The following IFFO1 variants were observed in gnomAD, a reference collection of about 807,000 sequenced individuals.
The protein encoded by IFFO1 is non-homologous end joining factor IFFO1.
A neutral mutation model predicts 59.6 loss-of-function variants in IFFO1; 42 were observed. The observed-to-expected ratio is 0.70, with a 90% CI of 0.55 to 0.91. IFFO1 has a LOEUF of 0.91. Ranked by LOEUF, IFFO1 falls within the 40% of genes least tolerant of loss-of-function variation. IFFO1 has a pLI of 0.00. For missense variants in IFFO1, 711 were observed against 793.2 expected (o/e 0.90, Z 1.24); for synonymous variants, 336 against 342.8 (o/e 0.98, Z 0.22).
chr12:6,552,116 G>C (rs1365163526), intron 1 of IFFO1, among the ~76,000 whole-genome samples: 4 of 152,196 alleles, frequency 2.6e-5, no homozygotes, highest in African/African-American at 9.7e-5. Context: ...AGGTGGTTAG[G>C]AAGGGGCCAA....
intron 3 of IFFO1, 26 bp downstream of exon 3, chr12:6,550,669 C>A: frequency 6.3e-7 from 1 of 1,598,758 alleles, no homozygotes; most frequent in Non-Finnish European, 8.6e-7. Context: ...CACTTCGACC[C>A]TCGGGAAGCC....
chr12:6,555,514 G>C lies in IFFO1; in HGVS notation c.516C>G (p.Ala172=), dbSNP rs781531269. Residue 172 remains alanine, a synonymous_variant, in exon 1 of 10, where the codon GCC becomes GCG. Coordinates refer to ENST00000619571, the MANE Select transcript of IFFO1 (RefSeq NM_001193457.2). The surrounding 1 kb of genome is among the most constrained non-coding windows in gnomAD (Gnocchi z 8.6). ...SPAGPLAPSA[A]SLSSSSTSTS... ...TGGAGGTGGAGGACGACGAGAGGCT[G>C]GCCGCGGAGGGCGCGAGGGGGCCGG... The C allele has an allele frequency of 1.3e-4, 210 of 1,579,136 alleles. 1 individual carries two copies. The highest frequency in any genetic ancestry group is 1.0e-3 in the Admixed American group (56 of 54,178).
Position 6,548,037 on chromosome 12 carries a change from C to T in IFFO1, c.1479+28G>A, listed in dbSNP as rs375182274. ...CCACTCAAAACCCTCTGGGACACCA[C>T]GCCCCTGGCTTCCGCTCCTGCCCTT... On this transcript the variant is annotated intron_variant, in intron 8 of 9. Transcript: ENST00000619571. The surrounding 1 kb of genome is among the most constrained non-coding windows in gnomAD (Gnocchi z 6.1). 7.7e-5 allele frequency: 120 copies of T among 1,560,022 alleles called. 1 individual carries two copies. The highest frequency in any genetic ancestry group is 3.4e-4 in the Middle Eastern group (2 of 5,864).
chr12:6,550,557 T>G (rs1048806276), intron 3 of IFFO1, 138 bp downstream of exon 3: 1 of 625,456 alleles, frequency 1.6e-6, no homozygotes, highest in African/African-American at 1.8e-5. Flanking sequence ...TAGGGGTGGC[T>G]AGGGGAAAAA....
chr12:6,552,656 G>T (rs1281804201), intron 1 of IFFO1, among the ~76,000 whole-genome samples: 1 of 152,206 alleles, frequency 6.6e-6, no homozygotes, highest in African/African-American at 2.4e-5. Flanking sequence ...ATGTGTGAAA[G>T]AGGGCAGGAG....
Position 6,539,607 on chromosome 12 carries a change from G to A in IFFO1, c.*876C>T, listed in dbSNP as rs1946600265. 1 of 152,226 alleles carries A rather than the reference G, an allele frequency of 6.6e-6. No homozygotes were observed. Among genetic ancestry groups the A allele is most frequent in the African/African-American group, 2.4e-5 (1 of 41,436 alleles). The allele number at this position is 152,226 out of a possible 1,614,324, so 9.4% of individuals were successfully genotyped here. A position where few individuals can be genotyped will look rare whatever the true frequency, so the allele number is the denominator to read the frequency against. On this transcript the variant is annotated 3_prime_UTR_variant, in exon 10 of 10. Transcript: ENST00000619571. ...AGCTCAACACAGCCTCCTATACCGA[G>A]GCATTGTGAACCGCATCTCCCCAGC... is the stretch of plus-strand genomic sequence containing the variant.
At position 6,555,325 on chromosome 12, in the gene IFFO1, C is replaced by G. The variant is rs1278130534; in HGVS notation, c.705G>C (p.Thr235=). 1.2e-6 allele frequency: 2 copies of G among 1,614,176 alleles called. No homozygotes were observed. The highest frequency in any genetic ancestry group is 1.7e-6 in the Non-Finnish European group (2 of 1,180,028). Residue 235 remains threonine, a synonymous_variant, in exon 1 of 10, where the codon ACG becomes ACC. Coordinates refer to ENST00000619571, the MANE Select transcript of IFFO1 (RefSeq NM_001193457.2). This position sits in a 1 kb window ranked among gnomAD's most constrained non-coding sequence, Gnocchi z 8.6. ...CGTTGTAGAGAGCGCGGATCTCGGG[C>G]GTGATGGTGTCGATCTGGACGCCCA... is the stretch of plus-strand genomic sequence containing the variant. ...DGVGVQIDTI[T]PEIRALYNVL...
intron 8 of IFFO1, among the ~76,000 whole-genome samples, chr12:6,543,119 G>A (rs1395845421): frequency 6.6e-6 from 1 of 152,102 alleles, no homozygotes; most frequent in Non-Finnish European, 1.5e-5. Flanking sequence ...GAGGAGCGGT[G>A]GGGAAGAACT....
intron 1 of IFFO1, 77 bp from the exon 2 acceptor site, chr12:6,551,078 C>A: frequency 6.8e-7 from 1 of 1,460,686 alleles, no homozygotes; most frequent in East Asian, 2.3e-5. Context: ...GTCCCCACCT[C>A]TCTGGCTCAG....
rs937944577 is a variant in IFFO1 at position 6,550,834 on chromosome 12, G to A, written c.835-44C>T. ...CTGATGTTGGTGGCACTGCCGAGGT[G>A]GGAGGAAGATAAAGATGCCAAGGAG... On this transcript the variant is annotated intron_variant, in intron 2 of 9. Coordinates refer to ENST00000619571, the MANE Select transcript of IFFO1 (RefSeq NM_001193457.2). The A allele has an allele frequency of 6.9e-6, 11 of 1,604,128 alleles. No homozygotes were observed. In the African/African-American group the frequency reaches 1.3e-4, roughly 20 times the overall value.
chr12:6,551,025 G>A (rs771692285), intron 1 of IFFO1, 24 bp from the exon 2 acceptor site: 15 of 1,613,086 alleles, frequency 9.3e-6, no homozygotes, highest in South Asian at 2.2e-5. Flanking sequence ...GAAGGGCGGA[G>A]AGAGCTTAGG....
At position 6,548,811 on chromosome 12, in the gene IFFO1, C is replaced by A; in HGVS notation, c.1119G>T (p.Gly373=). 6.2e-7 allele frequency: 1 copy of A among 1,613,164 alleles called. No individual in the cohort carries two copies. Among genetic ancestry groups the A allele is most frequent in the South Asian group, 1.1e-5 (1 of 90,960 alleles). ...HLSPIKVPSM[G]GRKRERKAAV... is the part of the protein sequence containing the mutation. ...CAGCCTTGCGCTCCCGCTTCCGCCC[C>A]CCCATGGATGGGACCTTAATGGGAG... The change falls in exon 6 of 10, where the codon GGG becomes GGT. Residue 373 remains glycine, a synonymous_variant. Transcript: ENST00000619571. The surrounding 1 kb of genome is among the most constrained non-coding windows in gnomAD (Gnocchi z 6.1).
chr12:6,551,496 A>G (rs1202307957), intron 1 of IFFO1: 1 of 1,289,984 alleles, frequency 7.8e-7, no homozygotes. Context: ...TTAACCCTGT[A>G]AAAGCATCTG....
chr12:6,553,998 C>T (rs1947336635), intron 1 of IFFO1, among the ~76,000 whole-genome samples: 1 of 151,712 alleles, frequency 6.6e-6, no homozygotes, highest in African/African-American at 2.4e-5. Flanking sequence ...GCATTTACTT[C>T]TAAAATTGCA....
At chr12:6,551,746 C>A in intron 1 of IFFO1, 1 of 349,368 alleles carries the variant, frequency 2.9e-6, no homozygotes, top group South Asian at 2.2e-5. Flanking sequence ...TGTAAAGGGG[C>A]CCGGTGAGTA....
Position 6,555,883 on chromosome 12 carries a change from A to C in IFFO1, c.147T>G (p.Ala49=). The change falls in exon 1 of 10, where the codon GCT becomes GCG. Residue 49 remains alanine, a synonymous_variant. Transcript: ENST00000619571. This position sits in a 1 kb window ranked among gnomAD's most constrained non-coding sequence, Gnocchi z 8.6. ...GGCCCGGCCCGGGCGGCGAGTAGGC[A>C]GCAGGGCCGGCCGGCGAGAGAGGCG... is the stretch of plus-strand genomic sequence containing the variant. ...PPAPLSPAGP[A]AYSPPGPGPA... 6.3e-7 allele frequency: 1 copy of C among 1,595,260 alleles called. No individual in the cohort carries two copies. The highest frequency in any genetic ancestry group is 1.7e-5 in the Admixed American group (1 of 57,364).
At position 6,545,207 on chromosome 12, in the gene IFFO1, T is replaced by C. The variant is rs537087292; in HGVS notation, c.1479+2858A>G. Among the ~76,000 whole-genome samples the C allele has an allele frequency of 2.5e-3, 380 of 151,952 alleles. 2 individuals are homozygous for C. Among genetic ancestry groups the C allele is most frequent in the Non-Finnish European group, 4.6e-3 (314 of 67,984 alleles). On this transcript the variant is annotated intron_variant, in intron 8 of 9. Transcript: ENST00000619571. ...TCCAGCCTGGGCGACACAGCGAGAC[T>C]ACGTCTCAAAAAAATAAATAAATAA...
chr12:6,539,246 G>A (rs1161321861), downstream of IFFO1: 1 of 152,390 alleles, frequency 6.6e-6, no homozygotes, highest in Non-Finnish European at 1.5e-5. Flanking sequence ...GAGGTCAGGA[G>A]TTTGAGACCA....
rs1565579202 is a variant in IFFO1 at position 6,555,470 on chromosome 12, GAGGAAT to G, written c.554_559del (p.Tyr185_Ser186del). On this transcript the variant is annotated inframe_deletion, in exon 1 of 10. Coordinates refer to ENST00000619571, the MANE Select transcript of IFFO1 (RefSeq NM_001193457.2). The surrounding 1 kb of genome is among the most constrained non-coding windows in gnomAD (Gnocchi z 8.6). ...GGTGCCGGGCATGAAGCGGGCCGACGAGGAATAGGTGGTGGAGGTGGAGGTGGAGGA... is the reference window on the plus strand; with the variant it reads ...GGTGCCGGGCATGAAGCGGGCCGACGAGGTGGTGGAGGTGGAGGTGGAGGA... The G allele has an allele frequency of 6.2e-7, 1 of 1,612,812 alleles. No homozygotes were observed. The highest frequency in any genetic ancestry group is 8.5e-7 in the Non-Finnish European group (1 of 1,179,454).
Sources: allele counts gnomAD v4.1 joint callset (sites outside exome capture counted in the v4.1 genomes callset), GRCh38; gene constraint gnomAD v4.1.1; non-coding constraint Gnocchi (gnomAD v3.1); transcripts MANE v1.5; gene names NCBI Gene and HGNC (gene_info 2026-07-23, HGNC 2026-07-21).